Variants in SPP1 observed in about 807,000 individuals in gnomAD.
SPP1 encodes osteopontin.
A neutral mutation model predicts 20.8 loss-of-function variants in SPP1; 18 were observed. That is an observed-to-expected ratio of 0.87 (90% CI 0.60 to 1.29). The LOEUF is 1.29. Among genes scored for constraint, SPP1 ranks in the 50% most tolerant of loss-of-function variants. SPP1 has a pLI of 0.00. For synonymous variants in SPP1, 146 were observed against 141.5 expected (o/e 1.03, Z -0.23); for missense variants, 363 against 389.0 (o/e 0.93, Z 0.56).
intron 3 of SPP1, among the ~76,000 whole-genome samples, chr4:87,978,540 G>T (rs945495350): frequency 4.6e-5 from 7 of 151,730 alleles, no homozygotes; most frequent in Admixed American, 4.6e-4. Context: ...CCGCCACCAC[G>T]CCCGGATAAT....
chr4:87,982,188 G>A (rs142101226), intron 6 of SPP1, among the ~76,000 whole-genome samples: 29 of 152,112 alleles, frequency 1.9e-4, no homozygotes, highest in Admixed American at 3.3e-4. Flanking sequence ...TAGCCTTGCC[G>A]TTTACTATTC....
rs770960913 is a variant in SPP1, at chr4:87,981,618, T to A, written c.360T>A (p.Ser120=). 1.9e-6 allele frequency: 3 copies of A among 1,614,226 alleles called. No homozygotes were observed. Among genetic ancestry groups the A allele is most frequent in the South Asian group, 2.2e-5 (2 of 91,082 alleles). ...ATGACACTGATGATTCTCACCAGTC[T>A]GATGAGTCTCACCATTCTGATGAAT... The part of the protein sequence containing the change: ...DVDDTDDSHQ[S]DESHHSDESD... Residue 120 remains serine (S), a synonymous_variant, in exon 6 of 7, where the codon TCT becomes TCA. Coordinates refer to ENST00000395080, the MANE Select transcript of SPP1 (RefSeq NM_001040058.2).
At chr4:87,980,939 G>C (rs1042793097) in intron 5 of SPP1, among the ~76,000 whole-genome samples, 13 of 152,134 alleles carry the variant, frequency 8.5e-5, no homozygotes, top group Admixed American at 6.5e-4. Flanking sequence ...AAATTTGATA[G>C]ACATTAGTTG....
rs1384120353 is a variant in SPP1, at chr4:87,977,076, T to C, written c.72T>C (p.Ser24=). ...TTTCTAAGGTTAAACAGGCTGATTC[T>C]GGAAGTTCTGAGGAAAAGCAGGTAA... ...TCAIPVKQAD[S]GSSEEKQLYN... is the part of the protein sequence containing the mutation. The change falls in exon 3 of 7, where the codon TCT becomes TCC. Residue 24 remains serine, a synonymous_variant. Coordinates refer to ENST00000395080, the MANE Select transcript of SPP1 (RefSeq NM_001040058.2). 3 of 1,613,966 alleles carry C rather than the reference T, an allele frequency of 1.9e-6. No homozygotes were observed. Among genetic ancestry groups the C allele is most frequent in the Middle Eastern group, 1.7e-4 (1 of 5,932 alleles).
chr4:87,982,546 A>C lies in SPP1; in HGVS notation c.595A>C (p.Asn199His). 6.2e-7 allele frequency: 1 copy of C among 1,614,168 alleles called. No individual in the cohort carries two copies. The highest frequency in any genetic ancestry group is 8.5e-7 in the Non-Finnish European group (1 of 1,180,028). Residue 199 changes from asparagine to histidine, a missense_variant, in exon 7 of 7, where the codon AAT becomes CAT. By Grantham distance (68) the Asn-to-His change is moderately conservative. Transcript: ENST00000395080. Reference protein sequence around the residue: ...ITSHMESEELNGAYKAIPVAQ... With the variant: ...ITSHMESEELHGAYKAIPVAQ... ...CTCACACATGGAAAGCGAGGAGTTGAATGGTGCATACAAGGCCATCCCCGT... is the reference window on the plus strand; with the variant it reads ...CTCACACATGGAAAGCGAGGAGTTGCATGGTGCATACAAGGCCATCCCCGT...
chr4:87,977,675 C>T, intron 3 of SPP1: 4 of 1,219,642 alleles, frequency 3.3e-6, no homozygotes, highest in Non-Finnish European at 4.2e-6. Flanking sequence ...TAAAGATGTA[C>T]CTACCCCTCC....
rs75192200 is a variant in SPP1 at position 87,978,067 on chromosome 4, G to T, written c.93+970G>T. On this transcript the variant is annotated intron_variant, in intron 3 of 6. Coordinates refer to ENST00000395080, the MANE Select transcript of SPP1 (RefSeq NM_001040058.2). ...GGCACGTGGAGCTATAACAATTTAA[G>T]AAATACGTGAAGAGCTCAAGGCTCA... The T allele has an allele frequency of 7.7e-3, 1,368 of 177,548 alleles. 24 individuals carry two copies. The highest frequency in any genetic ancestry group is 0.031 in the African/African-American group (1,319 of 42,130). 11.0% of individuals were successfully genotyped at this position (177,548 alleles called of 1,614,324 possible). A position where few individuals can be genotyped will look rare whatever the true frequency, so the allele number is the denominator to read the frequency against.
rs1182482314 is a variant in SPP1, at chr4:87,978,714, TC to T, written c.94-1331del. ...CATCTTCTTAAAGCAAGGAACCCCT[TC>T]TTTCAGCAAAACCTTTCGGAGAAGC... On this transcript the variant is annotated intron_variant, in intron 3 of 6. Transcript: ENST00000395080. 3.9e-5 allele frequency among the ~76,000 whole-genome samples: 6 copies of T among 152,068 alleles called. No homozygotes were observed. In the South Asian group the frequency reaches 1.0e-3, roughly 26 times the overall value.
intron 6 of SPP1, among the ~76,000 whole-genome samples, chr4:87,982,053 T>A (rs563721323): frequency 1.1e-4 from 16 of 152,098 alleles, no homozygotes; most frequent in Admixed American, 1.0e-3. Flanking sequence ...TATTTTCAGA[T>A]TAAAATAAAT....
In SPP1 at chr4:87,982,968, G is replaced by C; in HGVS notation, c.*72G>C. The C allele has an allele frequency of 7.2e-7, 1 of 1,384,110 alleles. No individual in the cohort carries two copies. The allele number at this position is 1,384,110 out of a possible 1,614,324, so 85.7% of individuals were successfully genotyped here. A position where few individuals can be genotyped will look rare whatever the true frequency, so the allele number is the denominator to read the frequency against. On this transcript the variant is annotated 3_prime_UTR_variant, in exon 7 of 7. Coordinates refer to ENST00000395080, the MANE Select transcript of SPP1 (RefSeq NM_001040058.2). ...AAATGCTTTATAGCAAAATGAAAGA[G>C]AACATGAAATGCTTCTTTCTCAGTT...
chr4:87,981,427 G>A lies in SPP1; in HGVS notation c.217-48G>A, dbSNP rs1305089599. On this transcript the variant is annotated intron_variant, in intron 5 of 6. Transcript: ENST00000395080. ...GACTAATGTGCTATAAAGGCTAAGG[G>A]AAAATAAAAACCCATATATTAATTT... The A allele has an allele frequency of 3.9e-6, 6 of 1,541,294 alleles. No homozygotes were observed. In the South Asian group the frequency reaches 4.8e-5, roughly 12 times the overall value.
chr4:87,981,636 T>C lies in SPP1; in HGVS notation c.378T>C (p.Ser126=). 2.5e-6 allele frequency: 4 copies of C among 1,614,242 alleles called. No homozygotes were observed. Among genetic ancestry groups the C allele is most frequent in the Non-Finnish European group, 3.4e-6 (4 of 1,180,044 alleles). The change falls in exon 6 of 7, where the codon TCT becomes TCC. Residue 126 remains serine, a synonymous_variant. Coordinates refer to ENST00000395080, the MANE Select transcript of SPP1 (RefSeq NM_001040058.2). ...DSHQSDESHH[S]DESDELVTDF... ...ACCAGTCTGATGAGTCTCACCATTC[T>C]GATGAATCTGATGAACTGGTCACTG...
intron 1 of SPP1, 119 bp from the exon 2 acceptor site, chr4:87,976,763 G>T (rs1725393158): frequency 6.1e-6 from 4 of 654,200 alleles, no homozygotes; most frequent in Non-Finnish European, 1.0e-5. Flanking sequence ...CTAAGAAGTA[G>T]AAAAGATTCT....
chr4:87,976,389 T>C (rs1415211155), intron 1 of SPP1, among the ~76,000 whole-genome samples: 1 of 152,232 alleles, frequency 6.6e-6, no homozygotes, highest in Non-Finnish European at 1.5e-5. Flanking sequence ...ATTTCAGAGA[T>C]AGTTTGATTT....
At chr4:87,978,388 C>CTTTTTTT (rs1159455110) in intron 3 of SPP1, among the ~76,000 whole-genome samples, 18 of 89,696 alleles carry the variant, frequency 2.0e-4, no homozygotes, top group South Asian at 9.5e-4. Flanking sequence ...TTTCCGCCTT[C>CTTTTTTT]TTTTTTTTTT....
intron 3 of SPP1, among the ~76,000 whole-genome samples, chr4:87,979,049 C>A (rs1725531250): frequency 6.6e-6 from 1 of 151,960 alleles, no homozygotes; most frequent in African/African-American, 2.4e-5. Flanking sequence ...AGCAATAGAA[C>A]TTTTGTGCAA....
intron 3 of SPP1, among the ~76,000 whole-genome samples, chr4:87,977,346 C>T (rs1218624074): frequency 6.6e-6 from 1 of 152,136 alleles, no homozygotes; most frequent in Non-Finnish European, 1.5e-5. Flanking sequence ...GATGAGTTAT[C>T]GCATGTAAGA....
At chr4:87,981,863 T>C in intron 6 of SPP1, 65 bp downstream of exon 6, 1 of 1,367,120 alleles carries the variant, frequency 7.3e-7, no homozygotes, top group South Asian at 1.3e-5. Context: ...AACCACAGTT[T>C]GCATATTCAT....
At chr4:87,977,710 A>T (rs1281915506) in intron 3 of SPP1, 2 of 1,273,502 alleles carry the variant, frequency 1.6e-6, no homozygotes, top group East Asian at 5.7e-5. Flanking sequence ...TGTGCCAGCC[A>T]AACAACAAAT....
Sources: allele counts gnomAD v4.1 joint callset (sites outside exome capture counted in the v4.1 genomes callset), GRCh38; gene constraint gnomAD v4.1.1; transcripts MANE v1.5; gene names NCBI Gene and HGNC (gene_info 2026-07-23, HGNC 2026-07-21).